The following DIDO1 variants were observed in gnomAD, a reference collection of about 807,000 sequenced individuals.
DIDO1 encodes the protein death inducer-obliterator 1.
Under a neutral mutation model 99.4 loss-of-function variants are expected in DIDO1, and 16 were observed. That is an observed-to-expected ratio of 0.16 (90% CI 0.11 to 0.24). The LOEUF (loss-of-function observed/expected upper bound fraction) is 0.24. Among genes scored for constraint, DIDO1 ranks in the 10% least tolerant of loss-of-function variants. The pLI is 1.00. For synonymous variants in DIDO1, 1,366 were observed against 1,239.1 expected (o/e 1.10, Z -2.15); for missense variants, 2,996 against 3,014.0 (o/e 0.99, Z 0.14).
intron 3 of DIDO1, among the ~76,000 whole-genome samples, 200 bp downstream of exon 3, chr20:62,910,574 G>A (rs2064909039): frequency 6.6e-6 from 1 of 152,260 alleles, no homozygotes; most frequent in Non-Finnish European, 1.5e-5. Context: ...AAACAGCCAT[G>A]TGTGGCCAGT....
intron 4 of DIDO1, among the ~76,000 whole-genome samples, chr20:62,908,379 G>T (rs947095730): frequency 1.3e-5 from 2 of 152,198 alleles, no homozygotes; most frequent in Admixed American, 1.3e-4. Flanking sequence ...CGTGACTGCA[G>T]TCCTGTGAGA....
intron 6 of DIDO1, 35 bp downstream of exon 6, chr20:62,905,852 G>A (rs2064790453): frequency 1.2e-6 from 2 of 1,614,112 alleles, no homozygotes; most frequent in Non-Finnish European, 1.7e-6. Flanking sequence ...AAGAACGGGA[G>A]GGGTCCAGGA....
intron 1 of DIDO1, among the ~76,000 whole-genome samples, chr20:62,936,018 C>T (rs61471127): frequency 0.012 from 1,835 of 152,364 alleles, 45 homozygotes; most frequent in African/African-American, 0.042. Flanking sequence ...GACCCACAGG[C>T]AGGCACTGAG....
chr20:62,882,915 C>CTTTTTTTTTTTTT (rs10583836), intron 15 of DIDO1, among the ~76,000 whole-genome samples: 1 of 81,358 alleles, frequency 1.2e-5, no homozygotes, highest in Non-Finnish European at 2.1e-5. Context: ...AACAAACAGC[C>CTTTTTTTTTTTTT]TTTTTTTTTT....
At position 62,892,071 on chromosome 20, in the gene DIDO1, C is replaced by T. The variant is rs1395324909; in HGVS notation, c.3261G>A (p.Leu1087=). 6.2e-7 allele frequency: 1 copy of T among 1,611,024 alleles called. No individual in the cohort carries two copies. Among genetic ancestry groups the T allele is most frequent in the Non-Finnish European group, 8.5e-7 (1 of 1,179,348 alleles). ...TCCCACCAATGTGAATTGTGTCAGGCAAATCCTAAACAGAAAGTACTTTGC... is the reference window on the plus strand; with the variant it reads ...TCCCACCAATGTGAATTGTGTCAGGTAAATCCTAAACAGAAAGTACTTTGC... ...SGCFDYLSED[L]PDTIHIGGRI... Residue 1087 remains leucine, a synonymous_variant, in exon 14 of 16, where the codon TTG becomes TTA. Transcript: ENST00000395343.
intron 6 of DIDO1, among the ~76,000 whole-genome samples, chr20:62,899,818 G>C (rs1219281071): frequency 6.6e-6 from 1 of 152,160 alleles, no homozygotes; most frequent in Non-Finnish European, 1.5e-5. Context: ...TTCCTGCTCT[G>C]AACGGACATG....
intron 6 of DIDO1, among the ~76,000 whole-genome samples, chr20:62,897,793 C>A (rs2064570496): frequency 6.6e-6 from 1 of 152,194 alleles, no homozygotes; most frequent in Non-Finnish European, 1.5e-5. Context: ...GCCCAAAGGC[C>A]CTCGAGCAGG....
At chr20:62,899,748 G>A (rs535241757) in intron 6 of DIDO1, among the ~76,000 whole-genome samples, 5 of 152,182 alleles carry the variant, frequency 3.3e-5, no homozygotes, top group South Asian at 2.1e-4. Context: ...GTGAGTGAAC[G>A]GCAGAATGTT....
At position 62,882,426 on chromosome 20, in the gene DIDO1, A is replaced by C; in HGVS notation, c.3542-12T>G. 2 of 1,593,582 alleles carry C rather than the reference A, an allele frequency of 1.3e-6. No individual in the cohort carries two copies. The highest frequency in any genetic ancestry group is 2.3e-5 in the South Asian group (2 of 88,380). On this transcript the variant is annotated splice_polypyrimidine_tract_variant and intron_variant, in intron 15 of 15. Coordinates refer to ENST00000395343, the MANE Select transcript of DIDO1 (RefSeq NM_001193369.2). ...TGGTGACTCAAGACCTGAAAAACAA[A>C]ATATTTGTGCAAATTTTAGAATCTA...
chr20:62,928,210 C>A (rs1397541456), upstream of DIDO1, among the ~76,000 whole-genome samples: 1 of 152,016 alleles, frequency 6.6e-6, no homozygotes, highest in Non-Finnish European at 1.5e-5. Flanking sequence ...GCTGGGCACT[C>A]AGGAGAGATA....
rs778504632 is a variant in DIDO1 at position 62,910,905 on chromosome 20, A to T, written c.708T>A (p.Ser236Arg). The T allele has an allele frequency of 4.3e-6, 7 of 1,612,938 alleles. No individual in the cohort carries two copies. The South Asian group carries it at 7.7e-5, about 18-fold the overall frequency. The change falls in exon 3 of 16, where the codon AGT (serine) becomes AGA (arginine). Residue 236 changes from serine (S) to arginine (R), a missense_variant. Physicochemically the swap from Ser to Arg is moderately radical, Grantham distance 110. Around this residue, in one of 5 missense-constraint regions of DIDO1, gnomAD observed 388 missense variants for 376.6 expected, o/e 1.03. Transcript: ENST00000395343. ...CCTGAGCCGCCTTTCCCTCCAACTT[A>T]CTCTCTCTGTCATCTTTCCCAGCCT... is the stretch of plus-strand genomic sequence containing the variant. ...VSQAGKDDRE[S>R]KLEGKAAQDI...
chr20:62,904,780 C>CAAAAAAA lies in DIDO1; in HGVS notation c.1588+1100_1588+1106dup, dbSNP rs58039393. The stretch of plus-strand genomic sequence containing the variant: ...GGGTGACAGAGCAAGACTCTTGTCT[C>CAAAAAAA]AAAAAAAAAAAAAAAAAAAAAAAAA... On this transcript the variant is annotated intron_variant, in intron 6 of 15. Coordinates refer to ENST00000395343, the MANE Select transcript of DIDO1 (RefSeq NM_001193369.2). 6.7e-4 allele frequency among the ~76,000 whole-genome samples: 42 copies of CAAAAAAA among 62,618 alleles called. 1 individual carries two copies. Among genetic ancestry groups the CAAAAAAA allele is most frequent in the African/African-American group, 1.8e-3 (31 of 17,484 alleles). The allele number at this position is 62,618 out of a possible 152,430, so 41.1% of individuals were successfully genotyped here.
intron 1 of DIDO1, among the ~76,000 whole-genome samples, chr20:62,921,587 C>CTT (rs2065136939): frequency 6.6e-6 from 1 of 151,754 alleles, no homozygotes; most frequent in Non-Finnish European, 1.5e-5. Context: ...TCTTTAAAAA[C>CTT]CCTTCTCTCA....
intron 1 of DIDO1, among the ~76,000 whole-genome samples, chr20:62,932,158 AGCCACCCT>A (rs1353455526): frequency 2.6e-4 from 39 of 152,218 alleles, no homozygotes; most frequent in Non-Finnish European, 2.4e-4. Flanking sequence ...TGTAGGTGTG[AGCCACCCT>A]GCCTCTTTCA....
intron 6 of DIDO1, among the ~76,000 whole-genome samples, chr20:62,902,196 G>C (rs1320678603): frequency 6.6e-6 from 1 of 152,180 alleles, no homozygotes; most frequent in Non-Finnish European, 1.5e-5. Context: ...CGGTTACGGA[G>C]GTGTGAAACC....
rs1459776211 is a variant in DIDO1 at position 62,896,838 on chromosome 20, T to C, written c.1747A>G (p.Ile583Val). Residue 583 changes from isoleucine to valine, a missense_variant, in exon 7 of 16, where the codon ATT becomes GTT. Around this residue, in one of 5 missense-constraint regions of DIDO1, gnomAD observed 898 missense variants for 972.7 expected, o/e 0.92. Transcript: ENST00000395343. The surrounding 1 kb of genome is among the most constrained non-coding windows in gnomAD (Gnocchi z 4.4). The stretch of plus-strand genomic sequence containing the variant: ...TTGAAACCTGAGGGTGGCTTTTTAA[T>C]GGCTGGTGTGGCTGCTGCCACATTA... ...FANVAAATPAIKKPPSGFKGT... is the reference protein window; with the variant it reads ...FANVAAATPAVKKPPSGFKGT... The C allele has an allele frequency of 1.2e-6, 2 of 1,613,904 alleles. No homozygotes were observed. The highest frequency in any genetic ancestry group is 2.2e-5 in the South Asian group (2 of 91,088).
upstream of DIDO1, among the ~76,000 whole-genome samples, chr20:62,927,772 G>C (rs2065279197): frequency 6.6e-6 from 1 of 152,238 alleles, no homozygotes; most frequent in Non-Finnish European, 1.5e-5. Flanking sequence ...TTCTGAGGCA[G>C]ACTTAGTTTT....
chr20:62,889,068 T>C (rs914755781), intron 15 of DIDO1: 10 of 985,406 alleles, frequency 1.0e-5, no homozygotes, highest in Non-Finnish European at 1.2e-5. Context: ...AGCAAGTGCC[T>C]TGGTGGGCGA....
Position 62,881,060 on chromosome 20 carries a change from G to A in DIDO1, c.4896C>T (p.Asp1632=). The change falls in exon 16 of 16, where the codon GAC becomes GAT. Residue 1632 remains aspartate, a synonymous_variant. Transcript: ENST00000395343. The surrounding 1 kb of genome is among the most constrained non-coding windows in gnomAD (Gnocchi z 8.3). ...CCTCCCCAGGCTCTGCCTTCCAGCC[G>A]TCCTGCTCGGACCCCGCTGGGGGCT... ...GEKPPAGSEQ[D]GWKAEPGEGT... 6.2e-7 allele frequency: 1 copy of A among 1,607,546 alleles called. No individual in the cohort carries two copies. The highest frequency in any genetic ancestry group is 8.5e-7 in the Non-Finnish European group (1 of 1,179,086).
Sources: allele counts gnomAD v4.1 joint callset (sites outside exome capture counted in the v4.1 genomes callset), GRCh38; gene constraint gnomAD v4.1.1; regional missense constraint gnomAD v4.1.1; non-coding constraint Gnocchi (gnomAD v3.1); transcripts MANE v1.5; gene names NCBI Gene and HGNC (gene_info 2026-07-23, HGNC 2026-07-21).